TP53BP2: variants seen among roughly 807,000 people sequenced by gnomAD.
TP53BP2 encodes tumor protein p53 binding protein 2.
TP53BP2 carries 62 observed loss-of-function variants against 126.2 expected under a neutral mutation model. The ratio of observed to expected loss-of-function variants is 0.49; its 90% CI spans 0.40 to 0.61. The LOEUF is 0.61. Ranked by LOEUF, TP53BP2 falls within the 20% of genes least tolerant of loss-of-function variation. The pLI is 0.00. For synonymous variants in TP53BP2, 485 were observed against 502.9 expected (o/e 0.96, Z 0.48); for missense variants, 1,215 against 1,402.8 (o/e 0.87, Z 2.14).
chr1:223,807,321 TA>T (rs970532103), intron 4 of TP53BP2, among the ~76,000 whole-genome samples: 5 of 152,196 alleles, frequency 3.3e-5, no homozygotes, highest in African/African-American at 1.2e-4. Context: ...GCAGCAAACC[TA>T]GAATTTAGTC....
intron 9 of TP53BP2, 105 bp from the exon 10 acceptor site, chr1:223,800,915 G>T: frequency 1.4e-6 from 1 of 689,780 alleles, no homozygotes; most frequent in Non-Finnish European, 2.4e-6. Context: ...TTAAATTCCA[G>T]ACTCACAACA....
In TP53BP2 at chr1:223,844,913, A is replaced by T. The variant is rs2102897673; in HGVS notation, c.27+741T>A. Among the ~76,000 whole-genome samples the T allele has an allele frequency of 1.3e-5, 2 of 152,368 alleles. 1 individual carries two copies. Among genetic ancestry groups the T allele is most frequent in the South Asian group, 4.1e-4 (2 of 4,832 alleles). ...GAAACTCGCTACTGAAGTCTGCAGA[A>T]GCCACCGCAACACACCGCAAACCTC... On this transcript the variant is annotated intron_variant, in intron 1 of 17. Coordinates refer to ENST00000343537, the MANE Select transcript of TP53BP2 (RefSeq NM_001031685.3).
intron 2 of TP53BP2, among the ~76,000 whole-genome samples, chr1:223,816,056 TG>T (rs1663077312): frequency 1.3e-5 from 2 of 152,378 alleles, no homozygotes; most frequent in African/African-American, 4.8e-5. Context: ...TTCCTGCCTA[TG>T]TGACTCTGAA....
chr1:223,809,611 G>T (rs1478448140), intron 4 of TP53BP2, among the ~76,000 whole-genome samples: 2 of 151,806 alleles, frequency 1.3e-5, no homozygotes, highest in African/African-American at 4.8e-5. Flanking sequence ...GTAAATCAAA[G>T]AAAAGAAAAA....
chr1:223,815,024 T>TA (rs563540162), intron 2 of TP53BP2, among the ~76,000 whole-genome samples: 11 of 152,246 alleles, frequency 7.2e-5, no homozygotes, highest in East Asian at 5.8e-4. Context: ...CAAGCTGTCC[T>TA]AAAAAAATCT....
At chr1:223,821,517 G>T in intron 1 of TP53BP2, 150 bp from the exon 2 acceptor site, 1 of 1,050,466 alleles carries the variant, frequency 9.5e-7, no homozygotes, top group Non-Finnish European at 1.5e-6. Flanking sequence ...GGTGAGGTGT[G>T]GACTGGGGGT....
chr1:223,804,104 G>A, intron 6 of TP53BP2, 70 bp downstream of exon 6: 1 of 1,512,502 alleles, frequency 6.6e-7, no homozygotes, highest in East Asian at 2.3e-5. Context: ...GGGCAACACA[G>A]TAAGACCCTG....
chr1:223,791,308 C>A (rs1286507804), intron 15 of TP53BP2, among the ~76,000 whole-genome samples: 2 of 151,596 alleles, frequency 1.3e-5, no homozygotes, highest in Admixed American at 6.6e-5. Flanking sequence ...TTAAAAAGAG[C>A]CTGAAGAAAA....
At chr1:223,799,853 T>C in intron 11 of TP53BP2, 46 bp downstream of exon 11, 1 of 1,527,740 alleles carries the variant, frequency 6.5e-7, no homozygotes, top group Non-Finnish European at 8.8e-7. Context: ...AAAACTGCAT[T>C]ATAGAATTAC....
intron 15 of TP53BP2, 35 bp downstream of exon 15, chr1:223,792,354 C>G: frequency 6.4e-7 from 1 of 1,573,392 alleles, no homozygotes; most frequent in South Asian, 1.2e-5. Context: ...ATTCCCACAA[C>G]TGAAGTTTGA....
chr1:223,799,267 C>G (rs73127422), intron 11 of TP53BP2, among the ~76,000 whole-genome samples: 2,203 of 152,258 alleles, frequency 0.014, 54 homozygotes, highest in African/African-American at 0.05. Flanking sequence ...CCACACCTGG[C>G]TGTTAACTAG....
intron 1 of TP53BP2, among the ~76,000 whole-genome samples, chr1:223,839,769 A>G (rs970493165): frequency 6.6e-6 from 1 of 152,132 alleles, no homozygotes; most frequent in Non-Finnish European, 1.5e-5. Context: ...GTCTCTACTA[A>G]AAATAGAAAA....
chr1:223,821,405 G>A (rs1374332371), intron 1 of TP53BP2, 38 bp from the exon 2 acceptor site: 1 of 1,613,030 alleles, frequency 6.2e-7, no homozygotes, highest in South Asian at 1.1e-5. Context: ...TACTGGTACT[G>A]TCTGCCTAAT....
At chr1:223,787,005 C>A (rs1479611757) in intron 16 of TP53BP2, among the ~76,000 whole-genome samples, 1 of 152,182 alleles carries the variant, frequency 6.6e-6, no homozygotes, top group Non-Finnish European at 1.5e-5. Context: ...AAACAGTTCT[C>A]CTGCCTCGGC....
intron 1 of TP53BP2, among the ~76,000 whole-genome samples, chr1:223,829,535 A>G (rs1375522073): frequency 6.6e-6 from 1 of 152,196 alleles, no homozygotes; most frequent in East Asian, 1.9e-4. Flanking sequence ...TTTAAATACC[A>G]TATTCTCAAG....
intron 7 of TP53BP2, 166 bp from the exon 8 acceptor site, chr1:223,803,061 C>A (rs755943667): frequency 7.9e-6 from 7 of 885,530 alleles, no homozygotes; most frequent in African/African-American, 1.7e-5. Flanking sequence ...CTGTGCAAGA[C>A]CACCAGCTGT....
chr1:223,840,746 G>A (rs1664075693), intron 1 of TP53BP2, among the ~76,000 whole-genome samples: 1 of 152,204 alleles, frequency 6.6e-6, no homozygotes, highest in Admixed American at 6.5e-5. Context: ...GCTCTTCCTA[G>A]AAGCAGTGTA....
intron 15 of TP53BP2, among the ~76,000 whole-genome samples, chr1:223,790,997 C>A (rs1662137793): frequency 6.6e-6 from 1 of 152,082 alleles, no homozygotes; most frequent in Non-Finnish European, 1.5e-5. Context: ...AACATAAACT[C>A]CCAACATTAG....
chr1:223,805,742 T>C (rs1183317753), intron 5 of TP53BP2, among the ~76,000 whole-genome samples: 3 of 152,354 alleles, frequency 2.0e-5, no homozygotes, highest in East Asian at 1.9e-4. Context: ...CCTGGGTGTT[T>C]AGACCAGGGG....
Sources: allele counts gnomAD v4.1 joint callset (sites outside exome capture counted in the v4.1 genomes callset), GRCh38; gene constraint gnomAD v4.1.1; transcripts MANE v1.5; gene names NCBI Gene and HGNC (gene_info 2026-07-23, HGNC 2026-07-21).